The following JAZF1 variants were observed in gnomAD, a reference collection of about 807,000 sequenced individuals.
JAZF1 encodes juxtaposed with another zinc finger protein 1.
A neutral mutation model predicts 26.4 loss-of-function variants in JAZF1; 8 were observed. The ratio of observed to expected loss-of-function variants is 0.30; its 90% CI spans 0.18 to 0.55. The LOEUF (loss-of-function observed/expected upper bound fraction) is 0.55. Ranked by LOEUF, JAZF1 falls within the 20% of genes least tolerant of loss-of-function variation. The probability of loss-of-function intolerance (pLI) is 0.94; values close to 1 mark genes in which losing one functional copy is unlikely to be tolerated. For synonymous variants in JAZF1, 126 were observed against 122.3 expected (o/e 1.03, Z -0.20); for missense variants, 199 against 322.0 (o/e 0.62, Z 2.92).
chr7:28,007,216 C>G (rs1228705385), intron 1 of JAZF1, among the ~76,000 whole-genome samples: 1 of 152,080 alleles, frequency 6.6e-6, no homozygotes, highest in African/African-American at 2.4e-5. Flanking sequence ...TTTCTCATGC[C>G]CAGTACTTCG....
At chr7:27,924,759 T>G (rs1197877848) in intron 2 of JAZF1, among the ~76,000 whole-genome samples, 2 of 152,214 alleles carry the variant, frequency 1.3e-5, no homozygotes, top group Non-Finnish European at 2.9e-5. Context: ...TTCTTCTCAT[T>G]TTTATGAATC....
At chr7:28,134,776 G>A (rs369709109) in intron 1 of JAZF1, among the ~76,000 whole-genome samples, 3 of 152,046 alleles carry the variant, frequency 2.0e-5, no homozygotes, top group East Asian at 3.9e-4. Flanking sequence ...GTGTATATAG[G>A]TGTGTGACTC....
At chr7:27,953,944 T>C (rs1378857980) in intron 2 of JAZF1, among the ~76,000 whole-genome samples, 1 of 152,206 alleles carries the variant, frequency 6.6e-6, no homozygotes, top group Non-Finnish European at 1.5e-5. Context: ...GCATGGCAGA[T>C]GAAGGCATAC....
Position 27,840,902 on chromosome 7 carries a change from G to C in JAZF1, c.386-35C>G. On this transcript the variant is annotated intron_variant, in intron 3 of 4. Coordinates refer to ENST00000283928, the MANE Select transcript of JAZF1 (RefSeq NM_175061.4). This position sits in a 1 kb window ranked among gnomAD's most constrained non-coding sequence, Gnocchi z 5.1. Reference sequence around the variant, plus strand: ...AAGAGAAGTGCAAGGACTGTCAGGAGCGCTCATCTCCCCACAGGTTCACCC... The same window carrying C: ...AAGAGAAGTGCAAGGACTGTCAGGACCGCTCATCTCCCCACAGGTTCACCC... The C allele has an allele frequency of 6.2e-7, 1 of 1,608,424 alleles. No homozygotes were observed. Among genetic ancestry groups the C allele is most frequent in the Admixed American group, 1.7e-5 (1 of 59,602 alleles).
intron 2 of JAZF1, among the ~76,000 whole-genome samples, chr7:27,896,604 A>G (rs1349907988): frequency 2.0e-5 from 3 of 152,242 alleles, no homozygotes; most frequent in Non-Finnish European, 4.4e-5. Context: ...CCTATTTCAC[A>G]TTTTGTCTAC....
intron 3 of JAZF1, among the ~76,000 whole-genome samples, chr7:27,861,729 C>T (rs1783384852): frequency 6.6e-6 from 1 of 152,190 alleles, no homozygotes; most frequent in African/African-American, 2.4e-5. Flanking sequence ...CCTTGTCTGT[C>T]TGCTCATATT....
At chr7:28,138,816 C>T (rs944861709) in intron 1 of JAZF1, among the ~76,000 whole-genome samples, 4 of 152,298 alleles carry the variant, frequency 2.6e-5, no homozygotes, top group South Asian at 2.1e-4. Context: ...CCAGACTTAC[C>T]ACTTGTGAGT....
intron 1 of JAZF1, among the ~76,000 whole-genome samples, chr7:28,104,080 CCCAGT>C (rs1358948953): frequency 6.6e-6 from 1 of 152,184 alleles, no homozygotes; most frequent in Non-Finnish European, 1.5e-5. Context: ...ACCTCAGGGC[CCCAGT>C]CCGAGCTGTT....
intron 1 of JAZF1, among the ~76,000 whole-genome samples, chr7:28,135,064 G>T (rs938075188): frequency 6.6e-6 from 1 of 152,208 alleles, no homozygotes; most frequent in Admixed American, 6.5e-5. Flanking sequence ...TGATAACTGG[G>T]TGATTGTAGG....
At chr7:27,874,185 T>C (rs1783632882) in intron 3 of JAZF1, among the ~76,000 whole-genome samples, 1 of 152,240 alleles carries the variant, frequency 6.6e-6, no homozygotes, top group Non-Finnish European at 1.5e-5. Flanking sequence ...AATGTGTCCA[T>C]GGGCTCGTGC....
At chr7:27,902,272 T>A (rs553279260) in intron 2 of JAZF1, among the ~76,000 whole-genome samples, 27 of 152,374 alleles carry the variant, frequency 1.8e-4, no homozygotes, top group African/African-American at 6.3e-4. Context: ...GAAACATTTC[T>A]GGACTCAAGG....
At chr7:27,838,058 T>G (rs1406355352) in intron 4 of JAZF1, among the ~76,000 whole-genome samples, 1 of 151,074 alleles carries the variant, frequency 6.6e-6, no homozygotes, top group Non-Finnish European at 1.5e-5. Context: ...TTCCAGAGAC[T>G]CAAAGCCCTT....
chr7:27,854,167 G>GT (rs1187564042), intron 3 of JAZF1, among the ~76,000 whole-genome samples: 1 of 152,170 alleles, frequency 6.6e-6, no homozygotes, highest in African/African-American at 2.4e-5. Context: ...TTTAAAGTCT[G>GT]TTTTACCAGA....
intron 2 of JAZF1, among the ~76,000 whole-genome samples, chr7:27,985,192 T>C (rs1785674305): frequency 6.6e-6 from 1 of 151,890 alleles, no homozygotes; most frequent in African/African-American, 2.4e-5. Context: ...TCAACAAAAT[T>C]GATAGACTGC....
chr7:27,895,198 G>A (rs1210487005), intron 3 of JAZF1, 22 bp downstream of exon 3: 1 of 1,521,698 alleles, frequency 6.6e-7, no homozygotes, highest in Non-Finnish European at 8.9e-7. Flanking sequence ...CCTTCTCAAG[G>A]CGGTAGGGCC....
At chr7:27,974,389 A>G (rs146976096) in intron 2 of JAZF1, among the ~76,000 whole-genome samples, 1 of 152,320 alleles carries the variant, frequency 6.6e-6, no homozygotes, top group Non-Finnish European at 1.5e-5. Flanking sequence ...ATGGGCACAA[A>G]GGAAGAAAGA....
At position 27,861,474 on chromosome 7, in the gene JAZF1, T is replaced by A. The variant is rs556784483; in HGVS notation, c.386-20607A>T. ...TACTTTCTGGGAGATTTTTCTAAAA[T>A]AGCTCTCTGTCCTTTCTATAAATGT... On this transcript the variant is annotated intron_variant, in intron 3 of 4. Coordinates refer to ENST00000283928, the MANE Select transcript of JAZF1 (RefSeq NM_175061.4). Among the ~76,000 whole-genome samples, 4 of 152,268 alleles carry A rather than the reference T, an allele frequency of 2.6e-5. No homozygotes were observed. The East Asian group carries it at 7.7e-4, about 29-fold the overall frequency.
At chr7:28,023,655 T>C (rs1218850802) in intron 1 of JAZF1, among the ~76,000 whole-genome samples, 1 of 152,214 alleles carries the variant, frequency 6.6e-6, no homozygotes, top group East Asian at 1.9e-4. Context: ...GAAATACTGT[T>C]AAGTATTTTA....
intron 1 of JAZF1, among the ~76,000 whole-genome samples, chr7:28,154,593 G>T (rs550665425): frequency 6.6e-6 from 1 of 152,052 alleles, no homozygotes; most frequent in African/African-American, 2.4e-5. Context: ...AGGTGAAAAA[G>T]GAATTCCACT....
Sources: allele counts gnomAD v4.1 joint callset (sites outside exome capture counted in the v4.1 genomes callset), GRCh38; gene constraint gnomAD v4.1.1; non-coding constraint Gnocchi (gnomAD v3.1); transcripts MANE v1.5; gene names NCBI Gene and HGNC (gene_info 2026-07-23, HGNC 2026-07-21).